The following MYH3 variants were observed in gnomAD, a reference collection of about 807,000 sequenced individuals.
MYH3 encodes the protein myosin heavy chain 3.
In MYH3, 130 loss-of-function variants were observed where a neutral mutation model predicts 238.0. The observed-to-expected ratio is 0.55, with a 90% CI of 0.47 to 0.63. MYH3 has a LOEUF of 0.63. Among genes scored for constraint, MYH3 ranks in the 30% least tolerant of loss-of-function variants. The pLI, the probability that MYH3 is intolerant of heterozygous loss-of-function variation, is 0.00. For missense variants in MYH3, 1,853 were observed against 2,374.9 expected (o/e 0.78, Z 4.57); for synonymous variants, 880 against 924.1 (o/e 0.95, Z 0.86).
chr17:10,670,483 T>C, the MYH3 span, among the ~76,000 whole-genome samples: 2 of 152,220 alleles, frequency 1.3e-5, no homozygotes, highest in Non-Finnish European at 2.9e-5. This position sits in a 1 kb window ranked among gnomAD's most constrained non-coding sequence, Gnocchi z 7.0. Context: ...TTTGTTTGTT[T>C]GCTTGTTTGA....
chr17:10,668,467 G>C, the MYH3 span, among the ~76,000 whole-genome samples: 4 of 152,084 alleles, frequency 2.6e-5, no homozygotes, highest in African/African-American at 4.8e-5. Context: ...CAAAGAGATA[G>C]AACAAAATGC....
At chr17:10,661,647 A>G (rs1223739410), upstream of MYH3, among the ~76,000 whole-genome samples, 1 of 152,136 alleles carries the variant, frequency 6.6e-6, no homozygotes, top group Non-Finnish European at 1.5e-5. Context: ...ATGCTCGGTC[A>G]CTTCCTGCCC....
upstream of MYH3, among the ~76,000 whole-genome samples, chr17:10,661,820 G>A (rs771028961): frequency 7.2e-5 from 11 of 152,132 alleles, no homozygotes; most frequent in Non-Finnish European, 1.3e-4. Flanking sequence ...ATGCCCCACT[G>A]TGATGGGGAT....
the MYH3 span, among the ~76,000 whole-genome samples, chr17:10,665,455 T>G: frequency 1.3e-5 from 2 of 152,054 alleles, no homozygotes; most frequent in African/African-American, 4.8e-5. Context: ...TAACCTTTAA[T>G]TTAACACTGA....
At position 10,635,383 on chromosome 17, in the gene MYH3, C is replaced by G. The variant is rs780780930; in HGVS notation, c.4156G>C (p.Glu1386Gln). 1.3e-5 allele frequency: 21 copies of G among 1,613,912 alleles called. 1 individual carries two copies. The Middle Eastern group carries it at 4.9e-4, about 38-fold the overall frequency. Residue 1386 changes from glutamate to glutamine, a missense_variant, in exon 30 of 41, where the codon GAG becomes CAG. Glu to Gln is a conservative substitution (Grantham distance 29). Around this residue, in one of 3 missense-constraint regions of MYH3, gnomAD observed 1,044 missense variants for 1,192.6 expected, o/e 0.88. Coordinates refer to ENST00000583535, the MANE Select transcript of MYH3 (RefSeq NM_002470.4). The stretch of plus-strand genomic sequence containing the variant: ...GCTGCGCACTTGGCCTCCTCCAGCT[C>G]TTCTGTGCGCTGGATGGCGTCCGTC... ...YETDAIQRTE[E>Q]LEEAKKKLAQ...
At chr17:10,658,528 C>T (rs1378394492), upstream of MYH3, 10 of 152,236 alleles carry the variant, frequency 6.6e-5, no homozygotes, top group African/African-American at 9.6e-5. Flanking sequence ...AAACAGAAGA[C>T]GCAGCCTTTA....
At position 10,640,282 on chromosome 17, in the gene MYH3, G is replaced by A. The variant is rs372800184; in HGVS notation, c.2427-31C>T. On this transcript the variant is annotated intron_variant, in intron 21 of 40. Coordinates refer to ENST00000583535, the MANE Select transcript of MYH3 (RefSeq NM_002470.4). ...AACAAGACATTGCTTATTTCTGAGA[G>A]AGACTCCCCTTCCCCAAAGAGCTCA... is the stretch of plus-strand genomic sequence containing the variant. 1.1e-5 allele frequency: 17 copies of A among 1,614,088 alleles called. No homozygotes were observed. In the African/African-American group the frequency reaches 2.0e-4, roughly 19 times the overall value.
At chr17:10,638,559 CA>C in intron 26 of MYH3, 127 bp from the exon 27 acceptor site, 2 of 1,297,166 alleles carry the variant, frequency 1.5e-6, no homozygotes, top group Non-Finnish European at 2.1e-6. Context: ...ATGAATACTG[CA>C]AATTTCCTTT....
rs201933626 is a variant in MYH3, at chr17:10,637,781, C to A, written c.3856+28G>T. ...CCCATTGGGTGCCAGGAGGTTTTGG[C>A]CCCACGGGTTTTCTGCACGTGGCTT... On this transcript the variant is annotated intron_variant, in intron 28 of 40. Coordinates refer to ENST00000583535, the MANE Select transcript of MYH3 (RefSeq NM_002470.4). 1.6e-3 allele frequency: 2,558 copies of A among 1,613,454 alleles called. 8 individuals carry two copies. Among genetic ancestry groups the A allele is most frequent in the Non-Finnish European group, 1.8e-3 (2,159 of 1,179,956 alleles).
chr17:10,670,591 A>G, the MYH3 span, among the ~76,000 whole-genome samples: 1 of 152,148 alleles, frequency 6.6e-6, no homozygotes, highest in Non-Finnish European at 1.5e-5. The surrounding 1 kb of genome is among the most constrained non-coding windows in gnomAD (Gnocchi z 7.0). Flanking sequence ...TTGCAAGCAC[A>G]TGCCACAGTG....
the MYH3 span, among the ~76,000 whole-genome samples, chr17:10,665,291 C>G: frequency 2.0e-5 from 3 of 152,022 alleles, no homozygotes; most frequent in Non-Finnish European, 4.4e-5. Context: ...TACAGGCACC[C>G]ACCACCATGC....
chr17:10,651,993 A>G, intron 4 of MYH3: 1 of 389,966 alleles, frequency 2.6e-6, no homozygotes, highest in East Asian at 6.1e-5. Flanking sequence ...CACCCGCCTT[A>G]CCCTCCCAAA....
In MYH3 at chr17:10,629,936, C is replaced by T. The variant is rs2074137373; in HGVS notation, c.5564G>A (p.Ser1855Asn). 5 of 1,614,150 alleles carry T rather than the reference C, an allele frequency of 3.1e-6. No homozygotes were observed. Among genetic ancestry groups the T allele is most frequent in the Non-Finnish European group, 4.2e-6 (5 of 1,180,006 alleles). Residue 1855 changes from serine (S) to asparagine (N), a missense_variant and splice_region_variant, in exon 39 of 41, where the codon AGT becomes AAT. Ser to Asn is a conservative substitution (Grantham distance 46). This residue lies in a region of MYH3 where 1,044 missense variants were observed against 1,192.6 expected (regional missense o/e 0.88). Transcript: ENST00000583535. ...CAGCACATTCTTCCTGTCCTCTTCA[C>T]TCTAAGAATGAGAAAGTGGGAATGT... is the stretch of plus-strand genomic sequence containing the variant. ...ERRVKELTYQ[S>N]EEDRKNVLRL...
At chr17:10,673,803 G>A in the MYH3 span, 1 of 152,196 alleles carries the variant, frequency 6.6e-6, no homozygotes, top group Admixed American at 6.5e-5. Context: ...ATAACAACTC[G>A]ATGGAGAAAC....
chr17:10,633,873 C>T, intron 32 of MYH3, 144 bp downstream of exon 32: 1 of 1,472,700 alleles, frequency 6.8e-7, no homozygotes, highest in East Asian at 2.3e-5. Context: ...TAAAACGTAA[C>T]CCGTCAGATG....
chr17:10,634,317 T>C (rs1430005287), intron 31 of MYH3, 135 bp from the exon 32 acceptor site: 13 of 1,008,202 alleles, frequency 1.3e-5, no homozygotes, highest in Middle Eastern at 2.0e-4. Context: ...TTGTCGATTA[T>C]TGGGCTAATC....
At position 10,640,267 on chromosome 17, in the gene MYH3, T is replaced by G; in HGVS notation, c.2427-16A>C. 1 of 1,614,164 alleles carries G rather than the reference T, an allele frequency of 6.2e-7. No individual in the cohort carries two copies. Among genetic ancestry groups the G allele is most frequent in the Non-Finnish European group, 8.5e-7 (1 of 1,180,038 alleles). Reference sequence around the variant, plus strand: ...GATGGACTCCCTAAAAACAAGACATTGCTTATTTCTGAGAGAGACTCCCCT... The same window carrying G: ...GATGGACTCCCTAAAAACAAGACATGGCTTATTTCTGAGAGAGACTCCCCT... On this transcript the variant is annotated splice_polypyrimidine_tract_variant and intron_variant, in intron 21 of 40. Coordinates refer to ENST00000583535, the MANE Select transcript of MYH3 (RefSeq NM_002470.4).
the MYH3 span, among the ~76,000 whole-genome samples, chr17:10,664,384 G>C: frequency 6.6e-6 from 1 of 152,122 alleles, no homozygotes; most frequent in African/African-American, 2.4e-5. Context: ...TGACCGGCCA[G>C]GATTATAATG....
intron 40 of MYH3, 43 bp from the exon 41 acceptor site, chr17:10,628,722 GAC>G: frequency 5.0e-6 from 8 of 1,609,206 alleles, no homozygotes; most frequent in Non-Finnish European, 6.8e-6. Flanking sequence ...GGGTGGCAGA[GAC>G]ACATTCCCAC....
Sources: gnomAD v4.1 joint callset for allele counts (sites outside exome capture counted in the v4.1 genomes callset) on GRCh38, gnomAD v4.1.1 for gene constraint, gnomAD v4.1.1 regional missense constraint, Gnocchi (gnomAD v3.1) non-coding constraint, MANE v1.5 for transcripts, NCBI Gene and HGNC (gene_info 2026-07-23, HGNC 2026-07-21) for gene names.